OVGP1: variants seen among roughly 807,000 people sequenced by gnomAD.
OVGP1 encodes the protein oviductal glycoprotein 1.
OVGP1 carries 26 observed loss-of-function variants against 48.2 expected under a neutral mutation model. The ratio of observed to expected loss-of-function variants is 0.54; its 90% CI spans 0.40 to 0.75. The LOEUF is 0.75. OVGP1 is among the 30% of genes least tolerant of loss of function. The pLI, the probability that OVGP1 is intolerant of heterozygous loss-of-function variation, is 0.00. For missense variants in OVGP1, 791 were observed against 820.6 expected (o/e 0.96, Z 0.44); for synonymous variants, 294 against 305.7 (o/e 0.96, Z 0.40).
rs770021343 is a variant in OVGP1 at position 111,414,774 on chromosome 1, A to G, written c.1727T>C (p.Val576Ala). The G allele has an allele frequency of 6.2e-7, 1 of 1,607,648 alleles. No individual in the cohort carries two copies. The highest frequency in any genetic ancestry group is 1.7e-5 in the Admixed American group (1 of 59,790). Residue 576 changes from valine to alanine, a missense_variant, in exon 11 of 11, where the codon GTC becomes GCC. Coordinates refer to ENST00000369732, the MANE Select transcript of OVGP1 (RefSeq NM_002557.4). The stretch of plus-strand genomic sequence containing the variant: ...GGTGACTGATATGTTTCTGGAGGGG[A>G]CAGTCACCTTTTCACGGGCCACAGC... The part of the protein sequence containing the change: ...RKAVAREKVT[V>A]PSRNISVTPE...
chr1:111,419,594 A>G lies in OVGP1; in HGVS notation c.1020+16T>C. The G allele has an allele frequency of 6.9e-7, 1 of 1,454,474 alleles. No individual in the cohort carries two copies. Among genetic ancestry groups the G allele is most frequent in the Non-Finnish European group, 9.7e-7 (1 of 1,034,666 alleles). 90.1% of individuals were successfully genotyped at this position (1,454,474 alleles called of 1,614,324 possible). Reference sequence around the variant, plus strand: ...AGGAAACCATGTGCTGGAGCATGAAAGAGCCAGGGTCTCACCTTGTAACTG... The same window carrying G: ...AGGAAACCATGTGCTGGAGCATGAAGGAGCCAGGGTCTCACCTTGTAACTG... On this transcript the variant is annotated intron_variant, in intron 9 of 10. Coordinates refer to ENST00000369732, the MANE Select transcript of OVGP1 (RefSeq NM_002557.4).
intron 8 of OVGP1, 115 bp downstream of exon 8, chr1:111,421,161 A>C (rs549953969): frequency 1.1e-6 from 1 of 871,216 alleles, no homozygotes; most frequent in Non-Finnish European, 1.7e-6. Context: ...CTAATAGACC[A>C]CCTCTTTGCC....
chr1:111,421,893 C>A (rs1455648392), intron 6 of OVGP1, among the ~76,000 whole-genome samples: 1 of 152,180 alleles, frequency 6.6e-6, no homozygotes, highest in Non-Finnish European at 1.5e-5. Context: ...CCTGAGAGTA[C>A]CTGTGGAGGT....
At position 111,415,164 on chromosome 1, in the gene OVGP1, G is replaced by A; in HGVS notation, c.1337C>T (p.Pro446Leu). Residue 446 changes from proline (P) to leucine (L), a missense_variant, in exon 11 of 11, where the codon CCT (proline) becomes CTT (leucine). Coordinates refer to ENST00000369732, the MANE Select transcript of OVGP1 (RefSeq NM_002557.4). The stretch of plus-strand genomic sequence containing the variant: ...TGTAGGGGTCACAGTTGTACCTCTA[G>A]GGGTTATAGTCATATTTTCACACTT... ...HGKCENMTITPRGTTVTPTKE... is the reference protein window; with the variant it reads ...HGKCENMTITLRGTTVTPTKE... 6.2e-7 allele frequency: 1 copy of A among 1,614,156 alleles called. No homozygotes were observed. The highest frequency in any genetic ancestry group is 1.3e-5 in the African/African-American group (1 of 75,030).
chr1:111,419,574 AC>A, intron 9 of OVGP1, 35 bp downstream of exon 9: 2 of 1,233,516 alleles, frequency 1.6e-6, no homozygotes, highest in Non-Finnish European at 2.4e-6. Context: ...CCGGTAGGAA[AC>A]CATGTGCTGG....
chr1:111,427,620 G>A, intron 1 of OVGP1, 77 bp downstream of exon 1: 1 of 1,527,454 alleles, frequency 6.5e-7, no homozygotes. Context: ...GCTCTCTCAG[G>A]CACCAGAGAG....
chr1:111,421,793 C>T, intron 6 of OVGP1, 120 bp from the exon 7 acceptor site: 2 of 662,802 alleles, frequency 3.0e-6, no homozygotes, highest in Admixed American at 5.1e-5. Context: ...CCTGCTCCTT[C>T]TGCCTGTGGG....
rs1652401686 is a variant in OVGP1, at chr1:111,426,540, G to A, written c.157C>T (p.His53Tyr). 6.2e-7 allele frequency: 1 copy of A among 1,614,022 alleles called. No homozygotes were observed. The highest frequency in any genetic ancestry group is 1.3e-5 in the African/African-American group (1 of 74,898). The change falls in exon 3 of 11, where the codon CAC becomes TAC. Residue 53 changes from histidine to tyrosine, a missense_variant. Physicochemically the swap from His to Tyr is moderately conservative, Grantham distance 83. Transcript: ENST00000369732. Reference sequence around the variant, plus strand: ...ATTGAGGCAAAGGCAAATATCAGGTGGGTGCAGAGAAAGGGGTCCAGGTCA... The same window carrying A: ...ATTGAGGCAAAGGCAAATATCAGGTAGGTGCAGAGAAAGGGGTCCAGGTCA... ...PHDLDPFLCT[H>Y]LIFAFASMNN... is the part of the protein sequence containing the mutation.
chr1:111,414,915 T>A lies in OVGP1; in HGVS notation c.1586A>T (p.His529Leu), dbSNP rs766132651. 10 of 1,513,124 alleles carry A rather than the reference T, an allele frequency of 6.6e-6. No homozygotes were observed. The South Asian group carries it at 7.1e-5, about 11-fold the overall frequency. 93.7% of individuals were successfully genotyped at this position (1,513,124 alleles called of 1,614,324 possible). The stretch of plus-strand genomic sequence containing the variant: ...ATGACTCACAGGGGTCACAGACTGA[T>A]GACCCACAGGGGTCAGGGTCTTTTC... ...PGEKTLTPVG[H>L]QSVTPVSHQS... The change falls in exon 11 of 11, where the codon CAT (histidine) becomes CTT (leucine). Residue 529 changes from histidine to leucine, a missense_variant. Transcript: ENST00000369732.
rs949266565 is a variant in OVGP1 at position 111,427,224 on chromosome 1, G to GAC, written c.26-135_26-134dup. On this transcript the variant is annotated intron_variant, in intron 1 of 10. Coordinates refer to ENST00000369732, the MANE Select transcript of OVGP1 (RefSeq NM_002557.4). Reference sequence around the variant, plus strand: ...ATGCAGATGCAGACACACAAATGGGGACACACACACCATTTACTCGTTTCC... The same window carrying GAC: ...ATGCAGATGCAGACACACAAATGGGGACACACACACACCATTTACTCGTTTCC... 13 of 1,528,654 alleles carry GAC rather than the reference G, an allele frequency of 8.5e-6. No homozygotes were observed. In the African/African-American group the frequency reaches 1.4e-4, roughly 16 times the overall value. 94.7% of individuals were successfully genotyped at this position (1,528,654 alleles called of 1,614,324 possible).
At chr1:111,427,545 C>T (rs1238608760) in intron 1 of OVGP1, 152 bp downstream of exon 1, 4 of 1,094,428 alleles carry the variant, frequency 3.7e-6, no homozygotes, top group Non-Finnish European at 5.4e-6. Context: ...GTCCCTCTGA[C>T]CTCTGACCAT....
chr1:111,418,514 C>T (rs766584138), intron 9 of OVGP1, among the ~76,000 whole-genome samples: 23 of 152,160 alleles, frequency 1.5e-4, no homozygotes, highest in Admixed American at 4.6e-4. Context: ...CTGGTGCTTC[C>T]CACACAAACT....
chr1:111,414,874 C>T lies in OVGP1; in HGVS notation c.1627G>A (p.Gly543Arg). The change falls in exon 11 of 11, where the codon GGA (glycine) becomes AGA (arginine). Residue 543 changes from glycine (G) to arginine (R), a missense_variant. Coordinates refer to ENST00000369732, the MANE Select transcript of OVGP1 (RefSeq NM_002557.4). ...TPVSHQSVSP[G>R]GTTMTPVHFQ... ...TGGACAGGGGTCATAGTCGTTCCTCCAGGGCTCACAGACTGATGACTCACA... is the reference window on the plus strand; with the variant it reads ...TGGACAGGGGTCATAGTCGTTCCTCTAGGGCTCACAGACTGATGACTCACA... The T allele has an allele frequency of 1.9e-6, 3 of 1,559,738 alleles. No individual in the cohort carries two copies. The highest frequency in any genetic ancestry group is 2.6e-6 in the Non-Finnish European group (3 of 1,148,982).
In OVGP1 at chr1:111,426,427, A is replaced by G; in HGVS notation, c.260+10T>C. Reference sequence around the variant, plus strand: ...TGAAAATACAACCCCCACATCCAATATGAACACACCTCTCCTTTAGTTTGT... The same window carrying G: ...TGAAAATACAACCCCCACATCCAATGTGAACACACCTCTCCTTTAGTTTGT... On this transcript the variant is annotated intron_variant, in intron 3 of 10. Coordinates refer to ENST00000369732, the MANE Select transcript of OVGP1 (RefSeq NM_002557.4). 1 of 1,614,026 alleles carries G rather than the reference A, an allele frequency of 6.2e-7. No homozygotes were observed. The highest frequency in any genetic ancestry group is 8.5e-7 in the Non-Finnish European group (1 of 1,179,978).
chr1:111,419,244 T>C (rs79804252), intron 9 of OVGP1, among the ~76,000 whole-genome samples: 1,863 of 152,310 alleles, frequency 0.012, 32 homozygotes, highest in African/African-American at 0.042. Context: ...TCATTTCTGC[T>C]ACATGTCAGT....
Position 111,419,627 on chromosome 1 carries a change from T to C in OVGP1, c.1003A>G (p.Ile335Val). 1.9e-6 allele frequency: 3 copies of C among 1,603,848 alleles called. No individual in the cohort carries two copies. Among genetic ancestry groups the C allele is most frequent in the Non-Finnish European group, 2.6e-6 (3 of 1,170,920 alleles). The change falls in exon 9 of 11, where the codon ATC becomes GTC. Residue 335 changes from isoleucine to valine, a missense_variant. Physicochemically the swap from Ile to Val is conservative, Grantham distance 29. Coordinates refer to ENST00000369732, the MANE Select transcript of OVGP1 (RefSeq NM_002557.4). ...GKEWVGYDNA[I>V]SFSYKAWFIR... is the part of the protein sequence containing the mutation. ...GGTCTCACCTTGTAACTGAAGCTGA[T>C]GGCATTGTCATAGCCAACCCACTCT...
rs1366357167 is a variant in OVGP1, at chr1:111,423,354, GCC to G, written c.483+187_483+188del. Among the ~76,000 whole-genome samples the G allele has an allele frequency of 3.3e-5, 5 of 152,220 alleles. 1 individual carries two copies. The highest frequency in any genetic ancestry group is 3.3e-4 in the Admixed American group (5 of 15,286). The stretch of plus-strand genomic sequence containing the variant: ...CCCTTAGGCTGGAGGACTGGAGCAA[GCC>G]CCAGGTGCAGCGAAAAGAGCAACCT... On this transcript the variant is annotated intron_variant, in intron 5 of 10. Transcript: ENST00000369732.
At position 111,418,205 on chromosome 1, in the gene OVGP1, T is replaced by G. The variant is rs547974946; in HGVS notation, c.1020+1405A>C. Among the ~76,000 whole-genome samples the G allele has an allele frequency of 3.3e-5, 5 of 152,284 alleles. No individual in the cohort carries two copies. The East Asian group carries it at 9.7e-4, about 29-fold the overall frequency. ...ATGTCTCCTCACCTAGTTCTGCAAG[T>G]TACAGTAACTGCACCTCAAAGCAAG... On this transcript the variant is annotated intron_variant, in intron 9 of 10. Transcript: ENST00000369732.
At chr1:111,426,378 CTGT>C in intron 3 of OVGP1, 56 bp downstream of exon 3, 1 of 1,610,498 alleles carries the variant, frequency 6.2e-7, no homozygotes, top group Non-Finnish European at 8.5e-7. Flanking sequence ...GAGAAATAGA[CTGT>C]TATCTTATAC....
Sources: gnomAD v4.1 joint callset for allele counts (sites outside exome capture counted in the v4.1 genomes callset) on GRCh38, gnomAD v4.1.1 for gene constraint, MANE v1.5 for transcripts, NCBI Gene and HGNC (gene_info 2026-07-23, HGNC 2026-07-21) for gene names.